RBM43: variants seen among roughly 807,000 people sequenced by gnomAD.
RBM43 encodes RNA binding motif protein 43.
In RBM43, 12 loss-of-function variants were observed where a neutral mutation model predicts 12.4. The observed-to-expected ratio is 0.97, with a 90% CI of 0.62 to 1.57. The LOEUF (loss-of-function observed/expected upper bound fraction) is 1.57, where lower values mean the gene tolerates loss of function less well. RBM43 is among the 40% of genes most tolerant of loss of function. RBM43 has a pLI of 0.00. For missense variants in RBM43, 348 were observed against 400.1 expected (o/e 0.87, Z 1.11); for synonymous variants, 138 against 145.7 (o/e 0.95, Z 0.38).
chr2:151,261,187 A>G, intron 1 of RBM43: 1 of 1,471,248 alleles, frequency 6.8e-7, no homozygotes, highest in Non-Finnish European at 9.1e-7. Context: ...GAATTTGCTA[A>G]GACAAGAATT....
chr2:151,253,489 T>C (rs1026211011), intron 2 of RBM43, among the ~76,000 whole-genome samples: 1 of 152,208 alleles, frequency 6.6e-6, no homozygotes. Context: ...CCCTCCCAAA[T>C]GTATTCTATC....
chr2:151,261,550 G>C (rs1322600726), intron 1 of RBM43, 175 bp downstream of exon 1: 5 of 1,544,114 alleles, frequency 3.2e-6, no homozygotes, highest in African/African-American at 1.4e-5. Flanking sequence ...TTTGCCCGCC[G>C]GGGTGGACGG....
intron 3 of RBM43, among the ~76,000 whole-genome samples, chr2:151,252,457 A>G (rs1481703884): frequency 2.0e-5 from 3 of 152,202 alleles, no homozygotes; most frequent in African/African-American, 4.8e-5. Flanking sequence ...CAAGAGGCAG[A>G]GTTTAGAGTG....
In RBM43 at chr2:151,251,583, T is replaced by C. The variant is rs761357144; in HGVS notation, c.397A>G (p.Lys133Glu). The C allele has an allele frequency of 1.4e-5, 23 of 1,613,898 alleles. No homozygotes were observed. The highest frequency in any genetic ancestry group is 1.9e-5 in the Non-Finnish European group (23 of 1,179,868). ...VTLETLVKDL[K>E]KKIPSLSFSP... ...AAGCTTAAACTCGGGATTTTTTTTT[T>C]CAGGTCTTTTACCAGAGTTTCTAGA... The change falls in exon 4 of 4, where the codon AAA becomes GAA. Residue 133 changes from lysine (K) to glutamate (E), a missense_variant. Transcript: ENST00000331426.
chr2:151,255,231 A>G (rs1440550189), intron 2 of RBM43, among the ~76,000 whole-genome samples: 2 of 152,126 alleles, frequency 1.3e-5, no homozygotes, highest in Non-Finnish European at 2.9e-5. Context: ...CCTGGCCAAC[A>G]TGGTGAAACT....
intron 1 of RBM43, among the ~76,000 whole-genome samples, chr2:151,258,165 G>A (rs569412127): frequency 7.2e-5 from 11 of 152,140 alleles, no homozygotes; most frequent in Non-Finnish European, 7.4e-5. Flanking sequence ...ATGCAAAAGG[G>A]GGTTATAGTG....
chr2:151,251,959 C>T (rs2105189348), intron 3 of RBM43, among the ~76,000 whole-genome samples: 1 of 152,306 alleles, frequency 6.6e-6, no homozygotes, highest in Admixed American at 6.5e-5. Flanking sequence ...TACATACAAA[C>T]TGTTCTGGTT....
intron 1 of RBM43, among the ~76,000 whole-genome samples, chr2:151,256,975 G>A (rs757744315): frequency 2.6e-5 from 4 of 152,172 alleles, no homozygotes; most frequent in Non-Finnish European, 5.9e-5. Context: ...AGTATCAACT[G>A]CAAGTAGACC....
chr2:151,252,012 T>C (rs952384523), intron 3 of RBM43, among the ~76,000 whole-genome samples: 1 of 152,200 alleles, frequency 6.6e-6, no homozygotes, highest in Non-Finnish European at 1.5e-5. Flanking sequence ...CTGCCCCCAG[T>C]CAAGTTCATC....
At chr2:151,254,521 C>A (rs552587997) in intron 2 of RBM43, among the ~76,000 whole-genome samples, 154 of 152,180 alleles carry the variant, frequency 1.0e-3, no homozygotes, top group Non-Finnish European at 1.8e-3. Flanking sequence ...TGGACTCTGT[C>A]ATCCCTCAAG....
intron 1 of RBM43, chr2:151,261,144 G>A: frequency 7.8e-7 from 1 of 1,286,124 alleles, no homozygotes; most frequent in South Asian, 1.5e-5. Context: ...AGCGATTGAT[G>A]GAAACAAAAC....
At chr2:151,257,537 C>CA (rs1037273197) in intron 1 of RBM43, among the ~76,000 whole-genome samples, 1 of 151,694 alleles carries the variant, frequency 6.6e-6, no homozygotes, top group Non-Finnish European at 1.5e-5. Flanking sequence ...ACTAAAAATA[C>CA]AAAAAATTAG....
rs1682875393 is a variant in RBM43, at chr2:151,250,124, T to TC, written c.*781dup. ...AGATATGCTTTCCATCTAAGTAGTT[T>TC]CCCCAGTGATTTTTGCCAGTATTCT... On this transcript the variant is annotated 3_prime_UTR_variant, in exon 4 of 4. Coordinates refer to ENST00000331426, the MANE Select transcript of RBM43 (RefSeq NM_198557.3). 1 of 152,230 alleles carries TC rather than the reference T, an allele frequency of 6.6e-6. No individual in the cohort carries two copies. Among genetic ancestry groups the TC allele is most frequent in the Non-Finnish European group, 1.5e-5 (1 of 68,042 alleles). The allele number at this position is 152,230 out of a possible 1,614,324, so 9.4% of individuals were successfully genotyped here.
chr2:151,261,664 G>A, intron 1 of RBM43, 61 bp downstream of exon 1: 1 of 1,571,512 alleles, frequency 6.4e-7, no homozygotes, highest in Non-Finnish European at 8.6e-7. Context: ...CCTTCTAGGG[G>A]ACCATGGCGA....
intron 2 of RBM43, among the ~76,000 whole-genome samples, chr2:151,253,072 G>A (rs919215870): frequency 2.6e-5 from 4 of 151,910 alleles, no homozygotes; most frequent in African/African-American, 9.7e-5. Context: ...AAGCACACAA[G>A]GTATTATATG....
At chr2:151,252,675 T>G in intron 3 of RBM43, 80 bp downstream of exon 3, 1 of 759,616 alleles carries the variant, frequency 1.3e-6, no homozygotes. Context: ...GAGAGCACTT[T>G]GTGTCGCCTG....
At position 151,249,366 on chromosome 2, in the gene RBM43, G is replaced by T. The variant is rs2105187536; in HGVS notation, c.*1540C>A. ...ATTTAAAACTAAGAATGTTACTTGT[G>T]GTCTTTCTTTTTTTTTTTTTTTTTT... is the stretch of plus-strand genomic sequence containing the variant. On this transcript the variant is annotated 3_prime_UTR_variant, in exon 4 of 4. Transcript: ENST00000331426. 7.1e-6 allele frequency: 1 copy of T among 140,736 alleles called. No homozygotes were observed. Among genetic ancestry groups the T allele is most frequent in the South Asian group, 2.2e-4 (1 of 4,490 alleles). The allele number at this position is 140,736 out of a possible 1,614,324, so 8.7% of individuals were successfully genotyped here.
chr2:151,261,741 C>T lies in RBM43; in HGVS notation c.-14G>A. ...GCAACTTGCCATGGCGGAGGGGAGA[C>T]GCGCCCTCAGCGGCCGCAGAAAGCC... On this transcript the variant is annotated 5_prime_UTR_variant, in exon 1 of 4. Coordinates refer to ENST00000331426, the MANE Select transcript of RBM43 (RefSeq NM_198557.3). The T allele has an allele frequency of 6.2e-7, 1 of 1,602,730 alleles. No homozygotes were observed. Among genetic ancestry groups the T allele is most frequent in the Non-Finnish European group, 8.5e-7 (1 of 1,175,108 alleles).
In RBM43 at chr2:151,250,419, A is replaced by C. The variant is rs2105188271; in HGVS notation, c.*487T>G. 1 of 152,372 alleles carries C rather than the reference A, an allele frequency of 6.6e-6. No homozygotes were observed. Among genetic ancestry groups the C allele is most frequent in the South Asian group, 2.1e-4 (1 of 4,828 alleles). 9.4% of individuals were successfully genotyped at this position (152,372 alleles called of 1,614,324 possible). A position where few individuals can be genotyped will look rare whatever the true frequency, so the allele number is the denominator to read the frequency against. On this transcript the variant is annotated 3_prime_UTR_variant, in exon 4 of 4. Transcript: ENST00000331426. ...AGACCATCCTGACTAACACGGTGAA[A>C]CCCCATCTCTACTAAAAAAATACAA... is the stretch of plus-strand genomic sequence containing the variant.
Sources: allele counts gnomAD v4.1 joint callset (sites outside exome capture counted in the v4.1 genomes callset), GRCh38; gene constraint gnomAD v4.1.1; transcripts MANE v1.5; gene names NCBI Gene and HGNC (gene_info 2026-07-23, HGNC 2026-07-21).